The following RICTOR variants were observed in gnomAD, a reference collection of about 807,000 sequenced individuals.
The protein encoded by RICTOR is RPTOR independent companion of MTOR complex 2, also known as rapamycin-insensitive companion of mTOR.
Under a neutral mutation model 214.9 loss-of-function variants are expected in RICTOR, and 49 were observed. That is an observed-to-expected ratio of 0.23 (90% CI 0.18 to 0.29). The LOEUF (loss-of-function observed/expected upper bound fraction) is 0.29. Among genes scored for constraint, RICTOR ranks in the 10% least tolerant of loss-of-function variants. The pLI is 1.00. For missense variants in RICTOR, 1,625 were observed against 2,047.0 expected (o/e 0.79, Z 3.98); for synonymous variants, 717 against 711.3 (o/e 1.01, Z -0.13).
intron 2 of RICTOR, among the ~76,000 whole-genome samples, chr5:39,040,440 C>A (rs1757084773): frequency 6.6e-6 from 1 of 151,954 alleles, no homozygotes; most frequent in Admixed American, 6.6e-5. Flanking sequence ...ACGCTGTGCA[C>A]ATGTACCCTA....
intron 7 of RICTOR, 30 bp downstream of exon 7, chr5:38,990,919 A>G (rs1163696712): frequency 6.7e-7 from 1 of 1,486,786 alleles, no homozygotes; most frequent in Non-Finnish European, 9.3e-7. Flanking sequence ...CTAAAATATT[A>G]CATTTTCATT....
intron 31 of RICTOR, chr5:38,949,412 C>G: frequency 6.3e-7 from 1 of 1,591,356 alleles, no homozygotes; most frequent in Non-Finnish European, 8.5e-7. Flanking sequence ...CGACATGCTT[C>G]TTTTTAAAAT....
Position 38,959,306 on chromosome 5 carries a change from G to A in RICTOR, c.2067C>T (p.Cys689=). Residue 689 remains cysteine, a synonymous_variant, in exon 22 of 38, where the codon TGC becomes TGT. Coordinates refer to ENST00000357387, the MANE Select transcript of RICTOR (RefSeq NM_152756.5). ...CSVFQCLLNL[C]SLKNQDHLLK... ...GCAAGTGATCTTGGTTTTTCAAGGA[G>A]CAAAGATTAAGGAGACTTAAAAGAA... 6.4e-7 allele frequency: 1 copy of A among 1,557,572 alleles called. No homozygotes were observed. The highest frequency in any genetic ancestry group is 8.7e-7 in the Non-Finnish European group (1 of 1,142,920).
At position 38,950,287 on chromosome 5, in the gene RICTOR, C is replaced by T. The variant is rs753433555; in HGVS notation, c.3561G>A (p.Lys1187=). The change falls in exon 31 of 38, where the codon AAG becomes AAA. Residue 1187 remains lysine, a synonymous_variant. Transcript: ENST00000357387. The part of the protein sequence containing the change: ...SIGENDLKFT[K]NFGTENHREN... ...CTCTGTGATTCTCTGTACCAAAATTCTTGGTGAATTTTAAGTCATTTTCTC... is the reference window on the plus strand; with the variant it reads ...CTCTGTGATTCTCTGTACCAAAATTTTTGGTGAATTTTAAGTCATTTTCTC... 1 of 1,613,328 alleles carries T rather than the reference C, an allele frequency of 6.2e-7. No homozygotes were observed. Among genetic ancestry groups the T allele is most frequent in the Non-Finnish European group, 8.5e-7 (1 of 1,179,578 alleles).
chr5:38,977,046 C>A (rs1233889674), intron 9 of RICTOR, among the ~76,000 whole-genome samples: 2 of 152,060 alleles, frequency 1.3e-5, no homozygotes, highest in Admixed American at 1.3e-4. Context: ...TAGCTGGTAG[C>A]CAAAGAAAAA....
intron 3 of RICTOR, among the ~76,000 whole-genome samples, chr5:39,008,952 T>C (rs114258067): frequency 0.012 from 1,786 of 152,084 alleles, 33 homozygotes; most frequent in African/African-American, 0.041. Context: ...AAGGTTAGAA[T>C]TTGTTTATAT....
In RICTOR at chr5:38,954,876, A is replaced by C. The variant is rs751633130; in HGVS notation, c.2610-15T>G. The stretch of plus-strand genomic sequence containing the variant: ...GACGCTGTAATCTAGTATAATAAAG[A>C]TGATTACTATATCTCTTGGCTAATT... On this transcript the variant is annotated splice_polypyrimidine_tract_variant and intron_variant, in intron 26 of 37. Transcript: ENST00000357387. 1.5e-6 allele frequency: 2 copies of C among 1,307,040 alleles called. No homozygotes were observed. Among genetic ancestry groups the C allele is most frequent in the East Asian group, 4.6e-5 (2 of 43,244 alleles). 81.0% of individuals were successfully genotyped at this position (1,307,040 alleles called of 1,614,324 possible).
chr5:39,060,420 G>T (rs986977510), intron 2 of RICTOR, among the ~76,000 whole-genome samples: 2 of 151,954 alleles, frequency 1.3e-5, no homozygotes, highest in African/African-American at 4.8e-5. Flanking sequence ...AAGAATTAAA[G>T]GACTCCTAAA....
intron 2 of RICTOR, among the ~76,000 whole-genome samples, chr5:39,052,426 C>T (rs181755970): frequency 1.3e-5 from 2 of 152,032 alleles, no homozygotes; most frequent in Non-Finnish European, 2.9e-5. Flanking sequence ...TGCAACCTAT[C>T]GTGTCTACAA....
intron 25 of RICTOR, among the ~76,000 whole-genome samples, chr5:38,956,672 G>A (rs1347525631): frequency 6.6e-6 from 1 of 151,950 alleles, no homozygotes. Context: ...CTTATACCTT[G>A]CATGTAACTT....
intron 2 of RICTOR, among the ~76,000 whole-genome samples, chr5:39,041,256 A>C (rs1399514254): frequency 6.6e-6 from 1 of 152,244 alleles, no homozygotes; most frequent in Non-Finnish European, 1.5e-5. Context: ...GAAATGTGAA[A>C]AAACAAGGTA....
chr5:38,971,374 ATT>A (rs772421728), intron 11 of RICTOR: 14 of 91,844 alleles, frequency 1.5e-4, no homozygotes, highest in Middle Eastern at 6.5e-3. Context: ...AACAACAGCA[ATT>A]TTTTTTTTTT....
In RICTOR at chr5:38,942,357, C is replaced by T; in HGVS notation, c.5074G>A (p.Val1692Met). The change falls in exon 38 of 38, where the codon GTG becomes ATG. Residue 1692 changes from valine to methionine, a missense_variant. Transcript: ENST00000357387. Reference sequence around the variant, plus strand: ...GGTTGCTTTGGTGGTGTTGCCAACACAGCCTCTGCTTCTTCATGCATCTAG... The same window carrying T: ...GGTTGCTTTGGTGGTGTTGCCAACATAGCCTCTGCTTCTTCATGCATCTAG... ...FLQMHEEAEA[V>M]LATPPKQPIV... is the part of the protein sequence containing the mutation. 3 of 1,595,800 alleles carry T rather than the reference C, an allele frequency of 1.9e-6. No homozygotes were observed. The highest frequency in any genetic ancestry group is 2.6e-6 in the Non-Finnish European group (3 of 1,167,960).
chr5:39,023,877 GATCA>G (rs769682166), intron 2 of RICTOR, among the ~76,000 whole-genome samples: 1 of 152,184 alleles, frequency 6.6e-6, no homozygotes, highest in Non-Finnish European at 1.5e-5. Context: ...TACATGCTGA[GATCA>G]ATCATTGGAT....
At chr5:38,974,058 C>CT (rs977638866) in intron 10 of RICTOR, among the ~76,000 whole-genome samples, 13 of 145,614 alleles carry the variant, frequency 8.9e-5, no homozygotes, top group African/African-American at 1.8e-4. Flanking sequence ...AAGTTTCTTT[C>CT]TTTTTTTTTG....
chr5:39,073,790 G>C (rs1759506121), intron 2 of RICTOR, among the ~76,000 whole-genome samples: 1 of 152,178 alleles, frequency 6.6e-6, no homozygotes, highest in African/African-American at 2.4e-5. Context: ...CGGACTCCGG[G>C]ATAGGTGCAA....
chr5:39,017,398 T>A (rs1755043001), intron 3 of RICTOR, among the ~76,000 whole-genome samples: 1 of 152,108 alleles, frequency 6.6e-6, no homozygotes, highest in South Asian at 2.1e-4. Flanking sequence ...AATGTTGCGG[T>A]CTTAAAGATT....
At position 38,944,555 on chromosome 5, in the gene RICTOR, G is replaced by A. The variant is rs777877219; in HGVS notation, c.4804C>T (p.Pro1602Ser). 58 of 1,599,892 alleles carry A rather than the reference G, an allele frequency of 3.6e-5. No homozygotes were observed. Among genetic ancestry groups the A allele is most frequent in the Non-Finnish European group, 4.8e-5 (56 of 1,175,286 alleles). ...TELLLGVKTI[P>S]DDTPMCRILL... is the part of the protein sequence containing the mutation. The stretch of plus-strand genomic sequence containing the variant: ...ATACGGCACATTGGTGTATCATCTG[G>A]AATTGTTTTAACACCTGAAAAGATT... Residue 1602 changes from proline to serine, a missense_variant, in exon 36 of 38, where the codon CCA becomes TCA. Transcript: ENST00000357387.
chr5:38,940,495 C>T lies in RICTOR; in HGVS notation c.*1809G>A, dbSNP rs1048900132. ...GACCAAAGACCACGATGACAGGCAACGTTCTTAGAAGTACTGTTGACATTT... is the reference window on the plus strand; with the variant it reads ...GACCAAAGACCACGATGACAGGCAATGTTCTTAGAAGTACTGTTGACATTT... On this transcript the variant is annotated 3_prime_UTR_variant, in exon 38 of 38. Coordinates refer to ENST00000357387, the MANE Select transcript of RICTOR (RefSeq NM_152756.5). 2 of 232,370 alleles carry T rather than the reference C, an allele frequency of 8.6e-6. No individual in the cohort carries two copies. Among genetic ancestry groups the T allele is most frequent in the Admixed American group, 5.6e-5 (1 of 17,720 alleles). 14.4% of individuals were successfully genotyped at this position (232,370 alleles called of 1,614,324 possible).
Sources: gnomAD v4.1 joint callset for allele counts (sites outside exome capture counted in the v4.1 genomes callset) on GRCh38, gnomAD v4.1.1 for gene constraint, MANE v1.5 for transcripts, NCBI Gene and HGNC (gene_info 2026-07-23, HGNC 2026-07-21) for gene names.